The following P2RY12 variants were observed in gnomAD, a reference collection of about 807,000 sequenced individuals.
P2RY12 encodes purinergic receptor P2Y12, also known as P2Y purinoceptor 12.
Under a neutral mutation model 4.5 loss-of-function variants are expected in P2RY12, and 3 were observed. The observed-to-expected ratio is 0.67, with a 90% CI of 0.31 to 1.74. The LOEUF (loss-of-function observed/expected upper bound fraction) is 1.74, where lower values mean the gene tolerates loss of function less well. Ranked by LOEUF, P2RY12 falls within the 40% of genes most tolerant of loss-of-function variation. P2RY12 has a pLI of 0.09. For missense variants in P2RY12, 356 were observed against 407.8 expected, an observed-to-expected ratio of 0.87 and a Z score of 1.09; for synonymous variants, 148 against 154.1, an observed-to-expected ratio of 0.96 and a Z score of 0.29.
rs547625228 is a variant in P2RY12 at position 151,383,971 on chromosome 3, A to G, written c.-180+721T>C. 8 of 1,483,804 alleles carry G rather than the reference A, an allele frequency of 5.4e-6. No homozygotes were observed. In the African/African-American group the frequency reaches 8.3e-5, roughly 15 times the overall value. 91.9% of individuals were successfully genotyped at this position (1,483,804 alleles called of 1,614,324 possible). A position where few individuals can be genotyped will look rare whatever the true frequency, so the allele number is the denominator to read the frequency against. On this transcript the variant is annotated intron_variant, in intron 1 of 2. Coordinates refer to ENST00000302632, the MANE Select transcript of P2RY12 (RefSeq NM_022788.5). ...ATATACTGATGGCGATTTCTGCCAC[A>G]TCTTATTTACTTGGATGCTATTAAA...
intron 1 of P2RY12, among the ~76,000 whole-genome samples, chr3:151,356,209 G>A (rs6808091): frequency 0.29 from 43,410 of 151,804 alleles, 6,333 homozygotes; most frequent in Non-Finnish European, 0.31. Flanking sequence ...AGACCAGCCT[G>A]GGCAACTTAG....
intron 1 of P2RY12, among the ~76,000 whole-genome samples, chr3:151,356,224 A>ACCCC (rs1412793327): frequency 1.3e-5 from 2 of 151,926 alleles, no homozygotes; most frequent in Non-Finnish European, 2.9e-5. Context: ...ACTTAGTGAG[A>ACCCC]CCCCATCTCC....
chr3:151,367,513 TATC>T, intron 1 of P2RY12: 1 of 721,070 alleles, frequency 1.4e-6, no homozygotes. Flanking sequence ...CATGATATGT[TATC>T]ATTTCCCTCT....
At chr3:151,356,644 T>G (rs901045417) in intron 1 of P2RY12, among the ~76,000 whole-genome samples, 4 of 152,140 alleles carry the variant, frequency 2.6e-5, no homozygotes, top group African/African-American at 9.7e-5. Context: ...TTGTTGTTGT[T>G]GTTTTTCTTT....
chr3:151,359,065 G>C (rs1310344608), intron 1 of P2RY12, among the ~76,000 whole-genome samples: 2 of 152,086 alleles, frequency 1.3e-5, no homozygotes, highest in Non-Finnish European at 2.9e-5. Flanking sequence ...TAGTTTTGCA[G>C]ACCTTTCCTC....
intron 1 of P2RY12, among the ~76,000 whole-genome samples, chr3:151,382,209 A>G (rs1285655646): frequency 6.6e-6 from 1 of 152,230 alleles, no homozygotes; most frequent in African/African-American, 2.4e-5. Flanking sequence ...AGACACATAC[A>G]TAAGATAGCA....
chr3:151,348,737 A>C (rs1040679998), intron 1 of P2RY12, among the ~76,000 whole-genome samples: 59 of 152,200 alleles, frequency 3.9e-4, no homozygotes, highest in Non-Finnish European at 1.5e-4. Context: ...GTCCCTGAGA[A>C]AGACAGACCG....
At chr3:151,378,525 TTAAAA>T (rs1342013561) in intron 1 of P2RY12, among the ~76,000 whole-genome samples, 2 of 151,886 alleles carry the variant, frequency 1.3e-5, no homozygotes, top group Admixed American at 6.5e-5. Context: ...ATATTTATGT[TTAAAA>T]TAAATATAAT....
rs984668177 is a variant in P2RY12 at position 151,337,859 on chromosome 3, T to C, written c.987A>G (p.Lys329=). The change falls in exon 3 of 3, where the codon AAA becomes AAG. Residue 329 remains lysine, a synonymous_variant. Transcript: ENST00000302632. ...CATTTGGGTCACCACCATCCTGTTCTTTTTTCCTATTGTCCTGGGACAGAG... is the reference window on the plus strand; with the variant it reads ...CATTTGGGTCACCACCATCCTGTTCCTTTTTCCTATTGTCCTGGGACAGAG... ...ATSLSQDNRK[K]EQDGGDPNEE... The C allele has an allele frequency of 3.7e-6, 6 of 1,614,130 alleles. No homozygotes were observed. The East Asian group carries it at 1.3e-4, about 36-fold the overall frequency.
At chr3:151,339,253 A>G (rs1303709354) in intron 2 of P2RY12, among the ~76,000 whole-genome samples, 2 of 151,948 alleles carry the variant, frequency 1.3e-5, no homozygotes, top group African/African-American at 2.4e-5. Flanking sequence ...GTTTCTATTC[A>G]CAGTCACTTT....
intron 1 of P2RY12, among the ~76,000 whole-genome samples, chr3:151,368,694 C>T (rs201162251): frequency 0.16 from 5,501 of 35,126 alleles, 169 homozygotes; most frequent in South Asian, 0.25. Flanking sequence ...CATTTTATTT[C>T]ATTTCATTTC....
At chr3:151,360,799 C>T (rs999065260) in intron 1 of P2RY12, among the ~76,000 whole-genome samples, 3 of 152,082 alleles carry the variant, frequency 2.0e-5, no homozygotes, top group African/African-American at 7.2e-5. Context: ...TAGTCTATTA[C>T]ACAATGTAAA....
chr3:151,363,138 T>TA lies in P2RY12; in HGVS notation c.-180+21553dup, dbSNP rs1754826358. On this transcript the variant is annotated intron_variant, in intron 1 of 2. Coordinates refer to ENST00000302632, the MANE Select transcript of P2RY12 (RefSeq NM_022788.5). ...ATTTAGGGTACCAGCACACAGTGAATAGAGTAATTACTCAGGGGTCAGCAG... is the reference window on the plus strand; with the variant it reads ...ATTTAGGGTACCAGCACACAGTGAATAAGAGTAATTACTCAGGGGTCAGCAG... Among the ~76,000 whole-genome samples the TA allele has an allele frequency of 2.6e-5, 4 of 152,218 alleles. No homozygotes were observed. In the South Asian group the frequency reaches 8.3e-4, roughly 32 times the overall value.
chr3:151,383,226 G>T (rs996605874), intron 1 of P2RY12, among the ~76,000 whole-genome samples: 1 of 152,126 alleles, frequency 6.6e-6, no homozygotes, highest in African/African-American at 2.4e-5. Context: ...CATCAGGCAG[G>T]CCCAAGTGCA....
intron 1 of P2RY12, chr3:151,350,267 G>A: frequency 6.5e-7 from 1 of 1,546,640 alleles, no homozygotes. Context: ...TCTGAGCACA[G>A]TCTTTATCAA....
intron 1 of P2RY12, chr3:151,382,734 C>T (rs773774166): frequency 1.9e-6 from 3 of 1,609,150 alleles, no homozygotes; most frequent in Non-Finnish European, 2.5e-6. Context: ...ATTGCAACTC[C>T]GCCTAAATTT....
intron 1 of P2RY12, chr3:151,372,477 A>T: frequency 1.1e-6 from 1 of 911,116 alleles, no homozygotes; most frequent in Admixed American, 1.8e-5. Context: ...CATATATTTT[A>T]AATCCCTGAA....
rs1392841396 is a variant in P2RY12, at chr3:151,338,733, A to G, written c.113T>C (p.Val38Ala). The G allele has an allele frequency of 5.6e-6, 9 of 1,613,686 alleles. No homozygotes were observed. In the Admixed American group the frequency reaches 1.0e-4, roughly 18 times the overall value. ...CGCCAGGCCATTTGTGATAAGTCCA[A>G]CAAAAAACAGGACAGTGTAGAGCAG... ...FPLLYTVLFF[V>A]GLITNGLAMR... is the part of the protein sequence containing the mutation. Residue 38 changes from valine (V) to alanine (A), a missense_variant, in exon 3 of 3, where the codon GTT (valine) becomes GCT (alanine). Physicochemically the swap from Val to Ala is moderately conservative, Grantham distance 64. Transcript: ENST00000302632.
rs1237009397 is a variant in P2RY12 at position 151,338,152 on chromosome 3, T to G, written c.694A>C (p.Lys232Gln). 1 of 1,614,104 alleles carries G rather than the reference T, an allele frequency of 6.2e-7. No individual in the cohort carries two copies. Among genetic ancestry groups the G allele is most frequent in the Non-Finnish European group, 8.5e-7 (1 of 1,179,998 alleles). The change falls in exon 3 of 3, where the codon AAA becomes CAA. Residue 232 changes from lysine (K) to glutamine (Q), a missense_variant. Lys to Gln is a moderately conservative substitution (Grantham distance 53). Transcript: ENST00000302632. ...ATGAAAACTTTGACGTTCACCTTTTTCCTGGGGACTTTACCTACACCCCTC... is the reference window on the plus strand; with the variant it reads ...ATGAAAACTTTGACGTTCACCTTTTGCCTGGGGACTTTACCTACACCCCTC... ...RTRGVGKVPRKKVNVKVFIII... is the reference protein window; with the variant it reads ...RTRGVGKVPRQKVNVKVFIII...
Sources: allele counts gnomAD v4.1 joint callset (sites outside exome capture counted in the v4.1 genomes callset), GRCh38; gene constraint gnomAD v4.1.1; transcripts MANE v1.5; gene names NCBI Gene and HGNC (gene_info 2026-07-23, HGNC 2026-07-21).